The following SPACA6 variants were observed in gnomAD, a reference collection of about 807,000 sequenced individuals.
SPACA6 encodes the protein sperm acrosome membrane-associated protein 6.
For missense variants in SPACA6, 8 were observed against 2.8 expected, an observed-to-expected ratio of 2.88 and a Z score of -1.34; for synonymous variants, 6 against 1.5, an observed-to-expected ratio of 4.05 and a Z score of -2.21.
downstream of SPACA6, among the ~76,000 whole-genome samples, chr19:51,707,998 T>C (rs1314364962): frequency 2.6e-5 from 4 of 152,076 alleles, no homozygotes; most frequent in Non-Finnish European, 5.9e-5. Flanking sequence ...GCAAACCCCA[T>C]AGTTTAGGGA....
chr19:51,691,119 G>T (rs907418838), upstream of SPACA6, among the ~76,000 whole-genome samples: 9 of 151,476 alleles, frequency 5.9e-5, no homozygotes, highest in Non-Finnish European at 1.2e-4. Flanking sequence ...CCAGCCCTGG[G>T]CCCCTTCTCA....
upstream of SPACA6, among the ~76,000 whole-genome samples, chr19:51,688,950 G>A: frequency 6.6e-6 from 1 of 151,624 alleles, no homozygotes; most frequent in East Asian, 1.9e-4. Context: ...GGGAGAGAGG[G>A]AGAGAGAGAG....
chr19:51,697,714 C>G (rs2083440353), intron 2 of SPACA6, among the ~76,000 whole-genome samples: 1 of 152,054 alleles, frequency 6.6e-6, no homozygotes, highest in African/African-American at 2.4e-5. Flanking sequence ...TCTTGGTGAT[C>G]CCAGGTGATC....
chr19:51,709,614 CAAAA>C (rs56844884), downstream of SPACA6, among the ~76,000 whole-genome samples: 3 of 93,168 alleles, frequency 3.2e-5, no homozygotes, highest in South Asian at 3.4e-4. Flanking sequence ...GACTCTGTCA[CAAAA>C]AAAAAAAAAA....
chr19:51,712,552 GGA>G (rs35352066), downstream of SPACA6, among the ~76,000 whole-genome samples: 31,307 of 151,884 alleles, frequency 0.21, 4,116 homozygotes, highest in East Asian at 0.52. Flanking sequence ...AAGAACTGCT[GGA>G]GTGAAGTCTT....
chr19:51,693,261 C>T, upstream of SPACA6: 1 of 717,902 alleles, frequency 1.4e-6, no homozygotes, highest in South Asian at 1.4e-5. Flanking sequence ...TGTTGCCAGT[C>T]TCTAGGTCCC....
chr19:51,702,730 G>C (rs2083479135), intron 4 of SPACA6, 78 bp downstream of exon 4: 1 of 399,010 alleles, frequency 2.5e-6, no homozygotes, highest in South Asian at 1.3e-4. Flanking sequence ...ATCAAGTGTG[G>C]GAAAGCGGGT....
chr19:51,683,248 T>C, the SPACA6 span, among the ~76,000 whole-genome samples: 5 of 152,146 alleles, frequency 3.3e-5, no homozygotes, highest in African/African-American at 1.2e-4. Context: ...CATGGCCTTC[T>C]TCCCAAGTAT....
rs2083480736 is a variant in SPACA6, at chr19:51,702,908, C to T, written c.386-113C>T. 2.0e-5 allele frequency: 8 copies of T among 398,978 alleles called. No homozygotes were observed. The East Asian group carries it at 2.9e-4, about 14-fold the overall frequency. 24.7% of individuals were successfully genotyped at this position (398,978 alleles called of 1,614,324 possible). On this transcript the variant is annotated intron_variant, in intron 4 of 8. Coordinates refer to ENST00000637797, the MANE Select transcript of SPACA6 (RefSeq NM_001316972.2). ...CCAAAGACAGCAGGGAGGGCGGGGT[C>T]AAGATGCCACCTGGCCGATGGACCC...
At position 51,699,219 on chromosome 19, in the gene SPACA6, G is replaced by C. The variant is rs2864917; in HGVS notation, c.293-2439G>C. 7.9e-3 allele frequency among the ~76,000 whole-genome samples: 1,205 copies of C among 152,186 alleles called. 56 individuals are homozygous for C. Among genetic ancestry groups the C allele is most frequent in the Admixed American group, 0.071 (1,088 of 15,290 alleles). ...AGATGGTGTCTGGATATGTTGCCCA[G>C]GCTTGTCTCGAACTCCTGGCCTCAA... On this transcript the variant is annotated intron_variant, in intron 2 of 8. Coordinates refer to ENST00000637797, the MANE Select transcript of SPACA6 (RefSeq NM_001316972.2).
chr19:51,697,854 A>G (rs2083441586), intron 2 of SPACA6, among the ~76,000 whole-genome samples: 1 of 152,150 alleles, frequency 6.6e-6, no homozygotes, highest in African/African-American at 2.4e-5. Flanking sequence ...ACCAGGGTCA[A>G]ATGTAGCCAT....
chr19:51,695,249 G>A (rs1240601820), intron 2 of SPACA6, among the ~76,000 whole-genome samples: 1 of 152,198 alleles, frequency 6.6e-6, no homozygotes, highest in African/African-American at 2.4e-5. Context: ...GTGTGTGGCT[G>A]TGCGAAGAGA....
chr19:51,688,367 C>A (rs533257063), upstream of SPACA6: 169 of 153,204 alleles, frequency 1.1e-3, 1 homozygote, highest in Non-Finnish European at 2.0e-3. Context: ...TCCTCTCTGC[C>A]GTCTCCAGCT....
At chr19:51,700,632 T>TA (rs1387788299) in intron 2 of SPACA6, among the ~76,000 whole-genome samples, 2 of 152,194 alleles carry the variant, frequency 1.3e-5, no homozygotes, top group African/African-American at 4.8e-5. Flanking sequence ...TACAAATACT[T>TA]ACTGAGCACT....
At position 51,693,609 on chromosome 19, in the gene SPACA6, T is replaced by C. The variant is rs1394108389; in HGVS notation, c.83T>C (p.Leu28Pro). The change falls in exon 1 of 9, where the codon CTC (leucine) becomes CCC (proline). Residue 28 changes from leucine (L) to proline (P), a missense_variant. Transcript: ENST00000637797. ...AVFRVPAWAC[L>P]LCFTTYSERL... ...TTCAGGGTGCCCGCCTGGGCCTGTC[T>C]CCTCTGCTTCACAACCTACTCTGAG... 4.7e-6 allele frequency: 2 copies of C among 429,298 alleles called. No individual in the cohort carries two copies. The highest frequency in any genetic ancestry group is 7.4e-5 in the Admixed American group (2 of 27,018). The allele number at this position is 429,298 out of a possible 1,614,324, so 26.6% of individuals were successfully genotyped here.
At chr19:51,699,019 T>C (rs1299096031) in intron 2 of SPACA6, among the ~76,000 whole-genome samples, 1 of 152,128 alleles carries the variant, frequency 6.6e-6, no homozygotes, top group African/African-American at 2.4e-5. Context: ...CTGTCTTTGT[T>C]TTTTAGAGAC....
At chr19:51,706,300 G>A (rs1278648445), downstream of SPACA6, among the ~76,000 whole-genome samples, 1 of 150,918 alleles carries the variant, frequency 6.6e-6, no homozygotes, top group Admixed American at 6.6e-5. Context: ...CCTTTTTTTT[G>A]TCTAGTTAAC....
At chr19:51,702,036 C>G (rs779924666) in intron 3 of SPACA6, among the ~76,000 whole-genome samples, 6 of 152,148 alleles carry the variant, frequency 3.9e-5, no homozygotes, top group Non-Finnish European at 7.4e-5. Flanking sequence ...GGCACTCCAG[C>G]CTGGGTGACA....
chr19:51,686,914 T>G (rs1012290164), upstream of SPACA6: 1 of 152,222 alleles, frequency 6.6e-6, no homozygotes, highest in Non-Finnish European at 1.5e-5. Context: ...ATCAACAAAT[T>G]TTAAAGGATC....
Sources: allele counts gnomAD v4.1 joint callset (sites outside exome capture counted in the v4.1 genomes callset), GRCh38; gene constraint gnomAD v4.1.1; transcripts MANE v1.5; gene names NCBI Gene and HGNC (gene_info 2026-07-23, HGNC 2026-07-21).